The following ESAM variants were observed in gnomAD, a reference collection of about 807,000 sequenced individuals.
ESAM encodes endothelial cell-selective adhesion molecule.
Under a neutral mutation model 31.8 loss-of-function variants are expected in ESAM, and 23 were observed. The observed-to-expected ratio is 0.72, with a 90% CI of 0.52 to 1.03. The LOEUF (loss-of-function observed/expected upper bound fraction) is 1.03, where lower values mean the gene tolerates loss of function less well. ESAM is among the 50% of genes least tolerant of loss of function. The probability of loss-of-function intolerance (pLI) is 0.00; values close to 1 mark genes in which losing one functional copy is unlikely to be tolerated. For synonymous variants in ESAM, 216 were observed against 207.2 expected (o/e 1.04, Z -0.37); for missense variants, 478 against 488.9 (o/e 0.98, Z 0.21).
intron 2 of ESAM, among the ~76,000 whole-genome samples, chr11:124,757,693 C>CTTT (rs5795429): frequency 3.0e-4 from 37 of 124,990 alleles, no homozygotes; most frequent in African/African-American, 7.3e-4. Context: ...AATATGCTAA[C>CTTT]TTTTTTTTTT....
In ESAM at chr11:124,753,779, A is replaced by G. The variant is rs1944121095; in HGVS notation, c.1040T>C (p.Leu347Pro). The G allele has an allele frequency of 1.9e-6, 3 of 1,613,742 alleles. No homozygotes were observed. Among genetic ancestry groups the G allele is most frequent in the South Asian group, 2.2e-5 (2 of 91,062 alleles). The change falls in exon 7 of 7, where the codon CTG (leucine) becomes CCG (proline). Residue 347 changes from leucine (L) to proline (P), a missense_variant. Physicochemically the swap from Leu to Pro is moderately conservative, Grantham distance 98. Transcript: ENST00000278927. ...LSSQALPSPR[L>P]PTTDGAHPQP... ...AGGGTGGGCCCCATCTGTCGTGGGCAGTCTTGGTGAGGGCAGGGCCTGGCT... is the reference window on the plus strand; with the variant it reads ...AGGGTGGGCCCCATCTGTCGTGGGCGGTCTTGGTGAGGGCAGGGCCTGGCT...
In ESAM at chr11:124,754,393, C is replaced by G. The variant is rs1250369751; in HGVS notation, c.731-53G>C. The stretch of plus-strand genomic sequence containing the variant: ...ACACCCAGCTGAGGGGTTCTCACCC[C>G]TCTCCAATCCCACTCTCCCCACCCC... On this transcript the variant is annotated intron_variant, in intron 5 of 6. Coordinates refer to ENST00000278927, the MANE Select transcript of ESAM (RefSeq NM_138961.3). This position sits in a 1 kb window ranked among gnomAD's most constrained non-coding sequence, Gnocchi z 4.5. 5.0e-6 allele frequency: 8 copies of G among 1,594,174 alleles called. No individual in the cohort carries two copies. The highest frequency in any genetic ancestry group is 2.2e-5 in the East Asian group (1 of 44,622).
chr11:124,758,527 G>T lies in ESAM; in HGVS notation c.71C>A (p.Ala24Glu), dbSNP rs1368413260. The stretch of plus-strand genomic sequence containing the variant: ...TTGCAGCTGGGCCCGCGAGGGGGGC[G>T]CTGGAGACAAGAGCGAGGCGTGAGT... ...RFLFLGLSAL[A>E]PPSRAQLQLH... The change falls in exon 2 of 7, where the codon GCG becomes GAG. Residue 24 changes from alanine (A) to glutamate (E), a missense_variant and splice_region_variant. By Grantham distance (107) the Ala-to-Glu change is moderately radical. Transcript: ENST00000278927. 3 of 1,548,314 alleles carry T rather than the reference G, an allele frequency of 1.9e-6. No homozygotes were observed. Among genetic ancestry groups the T allele is most frequent in the South Asian group, 2.4e-5 (2 of 82,766 alleles).
Position 124,756,240 on chromosome 11 carries a change from G to A in ESAM, c.574C>T (p.Pro192Ser), listed in dbSNP as rs1040464556. The change falls in exon 4 of 7, where the codon CCA (proline) becomes TCA (serine). Residue 192 changes from proline (P) to serine (S), a missense_variant. Transcript: ENST00000278927. The part of the protein sequence containing the change: ...AVQYQWDRQL[P>S]SFQTFFAPAL... Reference sequence around the variant, plus strand: ...GGTGCAAAGAAAGTCTGGAAGGATGGAAGCTGCCGATCCCACTGGTATTGG... The same window carrying A: ...GGTGCAAAGAAAGTCTGGAAGGATGAAAGCTGCCGATCCCACTGGTATTGG... 6.2e-7 allele frequency: 1 copy of A among 1,613,982 alleles called. No individual in the cohort carries two copies. Among genetic ancestry groups the A allele is most frequent in the African/African-American group, 1.3e-5 (1 of 74,918 alleles).
chr11:124,758,650 G>T, intron 1 of ESAM, 123 bp from the exon 2 acceptor site: 1 of 1,230,522 alleles, frequency 8.1e-7, no homozygotes, highest in Non-Finnish European at 1.1e-6. Flanking sequence ...GGAACCTTGC[G>T]GGGTCCGGCC....
In ESAM at chr11:124,762,028, G is replaced by T; in HGVS notation, c.70+57C>A. The T allele has an allele frequency of 6.6e-7, 1 of 1,507,510 alleles. No homozygotes were observed. The highest frequency in any genetic ancestry group is 1.2e-5 in the South Asian group (1 of 85,448). 93.4% of individuals were successfully genotyped at this position (1,507,510 alleles called of 1,614,324 possible). ...AGCAGTGGCCAAAGTTCTCCCTCAGGGTCGAACTCACCCCATCCCGCATCC... is the reference window on the plus strand; with the variant it reads ...AGCAGTGGCCAAAGTTCTCCCTCAGTGTCGAACTCACCCCATCCCGCATCC... On this transcript the variant is annotated intron_variant, in intron 1 of 6. Transcript: ENST00000278927. The surrounding 1 kb of genome is among the most constrained non-coding windows in gnomAD (Gnocchi z 6.4).
intron 1 of ESAM, 101 bp from the exon 2 acceptor site, chr11:124,758,628 T>A: frequency 7.3e-7 from 1 of 1,365,230 alleles, no homozygotes; most frequent in Non-Finnish European, 9.6e-7. Flanking sequence ...AAAGTCGCTT[T>A]AACTGGAAAG....
At position 124,753,284 on chromosome 11, in the gene ESAM, TG is replaced by T. The variant is rs1338123686; in HGVS notation, c.*361del. The T allele has an allele frequency of 4.1e-6, 1 of 246,086 alleles. No homozygotes were observed. The highest frequency in any genetic ancestry group is 2.3e-5 in the African/African-American group (1 of 43,956). 15.2% of individuals were successfully genotyped at this position (246,086 alleles called of 1,614,324 possible). On this transcript the variant is annotated 3_prime_UTR_variant, in exon 7 of 7. Transcript: ENST00000278927. ...GTTATATCAATACAGGGAGCTGGAG[TG>T]GGAGCCAAGGGTGGTGTTAGATAGG... is the stretch of plus-strand genomic sequence containing the variant.
Position 124,753,981 on chromosome 11 carries a change from CAAG to C in ESAM, c.858-23_858-21del. 3 of 1,611,070 alleles carry C rather than the reference CAAG, an allele frequency of 1.9e-6. No homozygotes were observed. The African/African-American group carries it at 4.0e-5, about 21-fold the overall frequency. On this transcript the variant is annotated intron_variant, in intron 6 of 6. Transcript: ENST00000278927. ...TCCTCCCTAGTCATCAAAGAAATAACAAGAGGTCAGAAGTGGGTGGGGGAAGGA... is the reference window on the plus strand; with the variant it reads ...TCCTCCCTAGTCATCAAAGAAATAACAGGTCAGAAGTGGGTGGGGGAAGGA...
Position 124,756,319 on chromosome 11 carries a change from A to G in ESAM, c.495T>C (p.His165=), listed in dbSNP as rs778032762. The change falls in exon 4 of 7, where the codon CAT becomes CAC. Residue 165 remains histidine (H), a synonymous_variant. Transcript: ENST00000278927. The part of the protein sequence containing the change: ...PPSCRLQGVP[H]VGANVTLSCQ... ...AGCTCAGGGTCACGTTTGCCCCCAC[A>G]TGGGGCACACCCTGGAGACGGCAGG... 3.7e-6 allele frequency: 6 copies of G among 1,612,130 alleles called. No homozygotes were observed. The highest frequency in any genetic ancestry group is 5.1e-6 in the Non-Finnish European group (6 of 1,179,134).
rs1236293718 is a variant in ESAM, at chr11:124,759,628, G to T, written c.71-1101C>A. ...TCGCCCTAGGAGAGCCAGGCTGAAG[G>T]CCTCTAAGGGCTGGGAGCCGATCCG... is the stretch of plus-strand genomic sequence containing the variant. On this transcript the variant is annotated intron_variant, in intron 1 of 6. Coordinates refer to ENST00000278927, the MANE Select transcript of ESAM (RefSeq NM_138961.3). The surrounding 1 kb of genome is among the most constrained non-coding windows in gnomAD (Gnocchi z 6.8). 6.6e-6 allele frequency among the ~76,000 whole-genome samples: 1 copy of T among 152,228 alleles called. No individual in the cohort carries two copies. The highest frequency in any genetic ancestry group is 1.5e-5 in the Non-Finnish European group (1 of 68,024).
chr11:124,761,551 G>A (rs1245589383), intron 1 of ESAM, among the ~76,000 whole-genome samples: 1 of 152,080 alleles, frequency 6.6e-6, no homozygotes, highest in Non-Finnish European at 1.5e-5. Flanking sequence ...TCCTTTTGGG[G>A]CACCTCCCTT....
At chr11:124,761,589 G>T (rs1241717875) in intron 1 of ESAM, among the ~76,000 whole-genome samples, 1 of 152,166 alleles carries the variant, frequency 6.6e-6, no homozygotes, top group Non-Finnish European at 1.5e-5. Flanking sequence ...GCAGGAGGGG[G>T]CAAGAGAGAG....
At position 124,759,757 on chromosome 11, in the gene ESAM, T is replaced by G. The variant is rs545352864; in HGVS notation, c.71-1230A>C. ...ATCCCCCTTCCCATTTCCTGGAGGA[T>G]CTCTGTGGTCTGGGCAGGAAATTTG... On this transcript the variant is annotated intron_variant, in intron 1 of 6. Transcript: ENST00000278927. The surrounding 1 kb of genome is among the most constrained non-coding windows in gnomAD (Gnocchi z 6.8). Among the ~76,000 whole-genome samples, 5 of 152,100 alleles carry G rather than the reference T, an allele frequency of 3.3e-5. No individual in the cohort carries two copies. The highest frequency in any genetic ancestry group is 1.2e-4 in the African/African-American group (5 of 41,490).
intron 1 of ESAM, among the ~76,000 whole-genome samples, chr11:124,761,782 G>C (rs1944231981): frequency 7.7e-6 from 1 of 130,102 alleles, no homozygotes; most frequent in African/African-American, 2.8e-5. Flanking sequence ...GCTCTGCTGG[G>C]TGGGGGGTGG....
chr11:124,756,057 T>A, intron 4 of ESAM, 150 bp downstream of exon 4: 2 of 1,080,898 alleles, frequency 1.9e-6, no homozygotes, highest in African/African-American at 1.6e-5. Flanking sequence ...TGGCAGGGCA[T>A]CTTTCTCTGC....
rs777120117 is a variant in ESAM, at chr11:124,758,521, G to C, written c.77C>G (p.Pro26Arg). 3.2e-5 allele frequency: 50 copies of C among 1,557,386 alleles called. 1 individual carries two copies. The highest frequency in any genetic ancestry group is 1.3e-4 in the South Asian group (11 of 84,106). ...LFLGLSALAPPSRAQLQLHLP... is the reference protein window; with the variant it reads ...LFLGLSALAPRSRAQLQLHLP... The stretch of plus-strand genomic sequence containing the variant: ...GTGCAGTTGCAGCTGGGCCCGCGAG[G>C]GGGGCGCTGGAGACAAGAGCGAGGC... Residue 26 changes from proline to arginine, a missense_variant, in exon 2 of 7, where the codon CCC (proline) becomes CGC (arginine). Transcript: ENST00000278927.
Position 124,756,693 on chromosome 11 carries a change from A to C in ESAM, c.299T>G (p.Leu100Trp), listed in dbSNP as rs773341954. 6 of 1,614,036 alleles carry C rather than the reference A, an allele frequency of 3.7e-6. No homozygotes were observed. The African/African-American group carries it at 8.0e-5, about 22-fold the overall frequency. Reference sequence around the variant, plus strand: ...GTTCCGGGAGGGCATGGAGTAGACCAAGGATACTCCAGGTTTGCTTGTTGT... The same window carrying C: ...GTTCCGGGAGGGCATGGAGTAGACCCAGGATACTCCAGGTTTGCTTGTTGT... Reference protein sequence around the residue: ...GVTTSKPGVSLVYSMPSRNLS... With the variant: ...GVTTSKPGVSWVYSMPSRNLS... Residue 100 changes from leucine (L) to tryptophan (W), a missense_variant, in exon 3 of 7, where the codon TTG becomes TGG. Physicochemically the swap from Leu to Trp is moderately conservative, Grantham distance 61. Coordinates refer to ENST00000278927, the MANE Select transcript of ESAM (RefSeq NM_138961.3).
chr11:124,756,780 T>C (rs1403975714), intron 2 of ESAM, 38 bp from the exon 3 acceptor site: 18 of 1,584,966 alleles, frequency 1.1e-5, no homozygotes, highest in Non-Finnish European at 1.5e-5. Flanking sequence ...CATTACTACA[T>C]GTGTCTACTG....
Sources: allele counts gnomAD v4.1 joint callset (sites outside exome capture counted in the v4.1 genomes callset), GRCh38; gene constraint gnomAD v4.1.1; non-coding constraint Gnocchi (gnomAD v3.1); transcripts MANE v1.5; gene names NCBI Gene and HGNC (gene_info 2026-07-23, HGNC 2026-07-21).